Variants in UTRN observed in about 807,000 individuals in gnomAD.
The protein encoded by UTRN is utrophin.
In UTRN, 283 loss-of-function variants were observed where a neutral mutation model predicts 463.9. That is an observed-to-expected ratio of 0.61 (90% CI 0.55 to 0.67). The LOEUF is 0.67. UTRN is among the 30% of genes least tolerant of loss of function. UTRN has a pLI of 0.00. For synonymous variants in UTRN, 1,442 were observed against 1,431.5 expected (o/e 1.01, Z -0.17); for missense variants, 3,922 against 4,084.3 (o/e 0.96, Z 1.08).
chr6:144,608,351 C>T (rs1805100464), intron 51 of UTRN, among the ~76,000 whole-genome samples: 1 of 152,118 alleles, frequency 6.6e-6, no homozygotes, highest in Non-Finnish European at 1.5e-5. Context: ...TCATGTGAGC[C>T]AATTTCCTAA....
At chr6:144,658,233 A>C (rs368618753) in intron 51 of UTRN, among the ~76,000 whole-genome samples, 1 of 152,272 alleles carries the variant, frequency 6.6e-6, no homozygotes, top group South Asian at 2.1e-4. Context: ...CCCTGGGGAC[A>C]TACAGGTTTT....
Position 144,639,802 on chromosome 6 carries a change from G to A in UTRN, c.7480-38604G>A, listed in dbSNP as rs376823118. Among the ~76,000 whole-genome samples the A allele has an allele frequency of 1.4e-4, 21 of 152,182 alleles. No individual in the cohort carries two copies. The East Asian group carries it at 3.7e-3, about 27-fold the overall frequency. On this transcript the variant is annotated intron_variant, in intron 51 of 74. Coordinates refer to ENST00000367545, the MANE Select transcript of UTRN (RefSeq NM_007124.3). ...CTGTCTGTGCCATGTTGCTGTGGGA[G>A]TTTCTATATGGAAGAGGGGCATTAA...
At chr6:144,535,903 C>G (rs1797487022) in intron 43 of UTRN, among the ~76,000 whole-genome samples, 1 of 152,184 alleles carries the variant, frequency 6.6e-6, no homozygotes, top group Non-Finnish European at 1.5e-5. Context: ...CCCTAGTCTT[C>G]TGAGTAGTTG....
Position 144,384,407 on chromosome 6 carries a change from A to G in UTRN, c.80-18716A>G, listed in dbSNP as rs372995546. On this transcript the variant is annotated intron_variant, in intron 2 of 74. Coordinates refer to ENST00000367545, the MANE Select transcript of UTRN (RefSeq NM_007124.3). ...GAGGGATGTAGGTCGTACACTCCTT[A>G]TTAGAATCTAACTAATGCCTGATGA... is the stretch of plus-strand genomic sequence containing the variant. Among the ~76,000 whole-genome samples, 6 of 152,102 alleles carry G rather than the reference A, an allele frequency of 3.9e-5. No individual in the cohort carries two copies. In the East Asian group the frequency reaches 1.2e-3, roughly 29 times the overall value.
In UTRN at chr6:144,660,217, A is replaced by G. The variant is rs755179266; in HGVS notation, c.7480-18189A>G. The G allele has an allele frequency of 1.7e-5, 8 of 471,226 alleles. 1 individual carries two copies. The highest frequency in any genetic ancestry group is 9.3e-5 in the South Asian group (6 of 64,578). The allele number at this position is 471,226 out of a possible 1,614,324, so 29.2% of individuals were successfully genotyped here. On this transcript the variant is annotated intron_variant, in intron 51 of 74. Transcript: ENST00000367545. The stretch of plus-strand genomic sequence containing the variant: ...CGGAAAGATGTAGGCTTCAAGGGCT[A>G]CTGGACAATGATTGGTCTGAACTTC...
chr6:144,603,101 A>T (rs1804437776), intron 51 of UTRN, among the ~76,000 whole-genome samples: 1 of 152,102 alleles, frequency 6.6e-6, no homozygotes, highest in South Asian at 2.1e-4. Flanking sequence ...TTTTTGTTTG[A>T]TTCTCCCTAA....
chr6:144,414,711 T>G (rs1784218963), intron 3 of UTRN, among the ~76,000 whole-genome samples: 1 of 96,972 alleles, frequency 1.0e-5, no homozygotes, highest in Non-Finnish European at 2.0e-5. Flanking sequence ...AGGTGTACTA[T>G]ATCTTTTTTT....
chr6:144,812,956 A>G (rs1778751179), intron 65 of UTRN, among the ~76,000 whole-genome samples: 1 of 152,132 alleles, frequency 6.6e-6, no homozygotes, highest in Non-Finnish European at 1.5e-5. Flanking sequence ...CATTTTCAGA[A>G]TTCACATGCC....
At chr6:144,386,380 C>T (rs1372342915) in intron 2 of UTRN, among the ~76,000 whole-genome samples, 3 of 152,060 alleles carry the variant, frequency 2.0e-5, no homozygotes, top group African/African-American at 7.2e-5. Context: ...ATCGCTTGAG[C>T]CTCGGAAGTT....
chr6:144,703,048 C>T (rs1171103468), intron 53 of UTRN, among the ~76,000 whole-genome samples: 1 of 152,000 alleles, frequency 6.6e-6, no homozygotes, highest in African/African-American at 2.4e-5. Context: ...ATTTCAGTAA[C>T]CCAAGTGGTG....
intron 51 of UTRN, among the ~76,000 whole-genome samples, chr6:144,627,881 C>T (rs996316040): frequency 6.8e-6 from 1 of 147,120 alleles, no homozygotes; most frequent in African/African-American, 2.5e-5. Flanking sequence ...CTTACTGCAA[C>T]GTCCGTCTCC....
intron 69 of UTRN, among the ~76,000 whole-genome samples, chr6:144,834,056 T>C (rs1206734565): frequency 6.6e-6 from 1 of 152,182 alleles, no homozygotes; most frequent in Non-Finnish European, 1.5e-5. Context: ...TTCATTCATT[T>C]CCCAGTGATG....
At position 144,436,085 on chromosome 6, in the gene UTRN, G is replaced by T; in HGVS notation, c.1006G>T (p.Asp336Tyr). ...LSAEDTFQEQ[D>Y]DISDDVEEVK... Reference sequence around the variant, plus strand: ...TGCTGAGGACACTTTCCAGGAGCAGGATGATATTTCTGATGATGTTGAAGA... The same window carrying T: ...TGCTGAGGACACTTTCCAGGAGCAGTATGATATTTCTGATGATGTTGAAGA... The change falls in exon 10 of 75, where the codon GAT (aspartate) becomes TAT (tyrosine). Residue 336 changes from aspartate (D) to tyrosine (Y), a missense_variant. Around this residue, in one of 3 missense-constraint regions of UTRN, gnomAD observed 2,349 missense variants for 2,303.8 expected, o/e 1.02. Transcript: ENST00000367545. 1.2e-6 allele frequency: 2 copies of T among 1,614,228 alleles called. No individual in the cohort carries two copies. The highest frequency in any genetic ancestry group is 1.3e-5 in the African/African-American group (1 of 75,068).
chr6:144,694,635 A>T (rs1355781946), intron 52 of UTRN, among the ~76,000 whole-genome samples: 1 of 152,170 alleles, frequency 6.6e-6, no homozygotes, highest in Non-Finnish European at 1.5e-5. Context: ...GTATGTGTCC[A>T]GGAATTTATC....
chr6:144,617,982 T>G (rs1806321795), intron 51 of UTRN, among the ~76,000 whole-genome samples: 1 of 152,184 alleles, frequency 6.6e-6, no homozygotes, highest in East Asian at 1.9e-4. Flanking sequence ...CATTGAGAAA[T>G]CCTTTCCTTT....
intron 58 of UTRN, among the ~76,000 whole-genome samples, chr6:144,771,622 C>T (rs1308110603): frequency 6.6e-6 from 1 of 151,872 alleles, no homozygotes; most frequent in African/African-American, 2.4e-5. Flanking sequence ...GATGGGATTT[C>T]ATCATATTGG....
chr6:144,409,011 C>T (rs1023276086), intron 3 of UTRN, among the ~76,000 whole-genome samples: 2 of 152,172 alleles, frequency 1.3e-5, no homozygotes, highest in Non-Finnish European at 2.9e-5. Flanking sequence ...GGCAACTCAA[C>T]TGATTGTTTT....
intron 2 of UTRN, among the ~76,000 whole-genome samples, chr6:144,352,469 G>A (rs1209519052): frequency 2.0e-5 from 3 of 152,278 alleles, no homozygotes; most frequent in East Asian, 3.9e-4. Context: ...TGGACATTTT[G>A]CAAGTTGGTT....
intron 50 of UTRN, among the ~76,000 whole-genome samples, chr6:144,575,409 G>C (rs1276331571): frequency 3.3e-5 from 5 of 152,082 alleles, no homozygotes; most frequent in African/African-American, 1.2e-4. Context: ...TGGATGAATG[G>C]ATGGACAGAG....
Sources: allele counts gnomAD v4.1 joint callset (sites outside exome capture counted in the v4.1 genomes callset), GRCh38; gene constraint gnomAD v4.1.1; regional missense constraint gnomAD v4.1.1; transcripts MANE v1.5; gene names NCBI Gene and HGNC (gene_info 2026-07-23, HGNC 2026-07-21).